GALNTL6: variants seen among roughly 807,000 people sequenced by gnomAD.
GALNTL6 encodes the protein polypeptide N-acetylgalactosaminyltransferase-like 6.
A neutral mutation model predicts 73.7 loss-of-function variants in GALNTL6; 46 were observed. The observed-to-expected ratio is 0.62, with a 90% confidence interval of 0.49 to 0.80. GALNTL6 has a LOEUF of 0.80. Ranked by LOEUF, GALNTL6 falls within the 30% of genes least tolerant of loss-of-function variation. The pLI is 0.00. For synonymous variants in GALNTL6, 259 were observed against 263.7 expected (o/e 0.98, Z 0.17); for missense variants, 604 against 755.0 (o/e 0.80, Z 2.34).
At chr4:172,757,727 T>G (rs189659330) in intron 5 of GALNTL6, among the ~76,000 whole-genome samples, 99 of 152,356 alleles carry the variant, frequency 6.5e-4, no homozygotes, top group African/African-American at 2.3e-3. Context: ...TAAATATTAA[T>G]TCTGGTGATC....
intron 5 of GALNTL6, among the ~76,000 whole-genome samples, chr4:172,485,225 T>C (rs1733626002): frequency 6.6e-6 from 1 of 152,082 alleles, no homozygotes; most frequent in African/African-American, 2.4e-5. Flanking sequence ...TAACCTATAT[T>C]TCATCCTTAC....
intron 5 of GALNTL6, among the ~76,000 whole-genome samples, chr4:172,420,861 T>G: frequency 6.6e-6 from 1 of 152,024 alleles, no homozygotes; most frequent in Middle Eastern, 3.2e-3. Flanking sequence ...CATGTCCTTT[T>G]CAGGGACATG....
At chr4:173,022,676 A>G (rs2126519328) in intron 12 of GALNTL6, among the ~76,000 whole-genome samples, 1 of 152,346 alleles carries the variant, frequency 6.6e-6, no homozygotes, top group African/African-American at 2.4e-5. Flanking sequence ...ATTTTCACCA[A>G]AATCCTGCCC....
intron 5 of GALNTL6, among the ~76,000 whole-genome samples, chr4:172,645,532 T>G (rs574413102): frequency 6.6e-6 from 1 of 151,894 alleles, no homozygotes; most frequent in African/African-American, 2.4e-5. Context: ...CCCCAATCAG[T>G]TCCAGTGGTA....
At chr4:172,197,746 T>C (rs539311907) in intron 2 of GALNTL6, among the ~76,000 whole-genome samples, 10 of 152,170 alleles carry the variant, frequency 6.6e-5, no homozygotes, top group African/African-American at 2.4e-4. Context: ...ATGTAGAAAA[T>C]TGAAACTGAA....
At chr4:172,314,671 G>A (rs1191440751) in intron 4 of GALNTL6, among the ~76,000 whole-genome samples, 1 of 134,514 alleles carries the variant, frequency 7.4e-6, no homozygotes, top group African/African-American at 2.8e-5. Flanking sequence ...GCAATGATGC[G>A]ATCTTGGCTC....
intron 3 of GALNTL6, among the ~76,000 whole-genome samples, chr4:172,293,743 T>A (rs974276665): frequency 6.6e-6 from 1 of 151,522 alleles, no homozygotes; most frequent in Non-Finnish European, 1.5e-5. Context: ...ATAAATATAT[T>A]ACTATACAAA....
rs960118383 is a variant in GALNTL6 at position 173,036,002 on chromosome 4, ATATC to A, written c.1639-3927_1639-3924del. On this transcript the variant is annotated intron_variant, in intron 12 of 12. Transcript: ENST00000506823. ...GGCAGGACACTATGCCAGTGATTTT[ATATC>A]TATTAACTCTTTTTATCCTCAAAAT... Among the ~76,000 whole-genome samples, 19 of 152,250 alleles carry A rather than the reference ATATC, an allele frequency of 1.2e-4. No individual in the cohort carries two copies. In the East Asian group the frequency reaches 3.5e-3, roughly 28 times the overall value.
intron 5 of GALNTL6, among the ~76,000 whole-genome samples, chr4:172,585,115 A>T (rs930056480): frequency 6.6e-6 from 1 of 152,224 alleles, no homozygotes; most frequent in Non-Finnish European, 1.5e-5. Context: ...ACTAGAAAAA[A>T]AAAACAGTCT....
intron 5 of GALNTL6, among the ~76,000 whole-genome samples, chr4:172,806,927 A>C (rs1213436912): frequency 6.6e-6 from 1 of 152,200 alleles, no homozygotes. Context: ...GAGATTATAC[A>C]ATTTTCTTAA....
chr4:172,139,453 CAGTT>C (rs1733747833), intron 2 of GALNTL6, among the ~76,000 whole-genome samples: 1 of 152,286 alleles, frequency 6.6e-6, no homozygotes, highest in South Asian at 2.1e-4. Flanking sequence ...AGGCTTAAGT[CAGTT>C]AGGGAGAGAA....
chr4:171,855,550 T>G (rs116744191), intron 2 of GALNTL6, among the ~76,000 whole-genome samples: 97 of 152,330 alleles, frequency 6.4e-4, no homozygotes, highest in East Asian at 2.3e-3. Flanking sequence ...AATTTCAGAT[T>G]TGGGAAATTA....
chr4:171,898,172 T>A (rs957142433), intron 2 of GALNTL6, among the ~76,000 whole-genome samples: 8 of 152,034 alleles, frequency 5.3e-5, no homozygotes, highest in Admixed American at 3.3e-4. Flanking sequence ...AAAGTTACAA[T>A]GACATACCCA....
chr4:172,559,668 T>A (rs970728337), intron 5 of GALNTL6, among the ~76,000 whole-genome samples: 1 of 152,232 alleles, frequency 6.6e-6, no homozygotes, highest in Non-Finnish European at 1.5e-5. Context: ...CTGAGTTTTC[T>A]AAGAAGTCTG....
In GALNTL6 at chr4:172,809,217, T is replaced by G; in HGVS notation, c.554-144T>G. On this transcript the variant is annotated intron_variant, in intron 5 of 12. Transcript: ENST00000506823. This position sits in a 1 kb window ranked among gnomAD's most constrained non-coding sequence, Gnocchi z 4.4. ...AAAGTGTAAAATCTAAAAATCTTACTAGTATCTCCCATCTAGATGAGGAGA... is the reference window on the plus strand; with the variant it reads ...AAAGTGTAAAATCTAAAAATCTTACGAGTATCTCCCATCTAGATGAGGAGA... 1.6e-6 allele frequency: 1 copy of G among 638,868 alleles called. No individual in the cohort carries two copies. The highest frequency in any genetic ancestry group is 2.7e-6 in the Non-Finnish European group (1 of 367,090). 39.6% of individuals were successfully genotyped at this position (638,868 alleles called of 1,614,324 possible).
At chr4:172,324,747 T>C (rs1446346938) in intron 4 of GALNTL6, among the ~76,000 whole-genome samples, 1 of 150,978 alleles carries the variant, frequency 6.6e-6, no homozygotes, top group African/African-American at 2.4e-5. Context: ...TGACCAAACT[T>C]CTATTAAATT....
At chr4:172,593,300 A>G (rs1737724829) in intron 5 of GALNTL6, among the ~76,000 whole-genome samples, 1 of 152,212 alleles carries the variant, frequency 6.6e-6, no homozygotes, top group Admixed American at 6.5e-5. Flanking sequence ...TCCATCATGA[A>G]CACAGCCTGT....
Position 173,008,409 on chromosome 4 carries a change from A to G in GALNTL6, c.1372-769A>G, listed in dbSNP as rs1752390431. Among the ~76,000 whole-genome samples the G allele has an allele frequency of 2.0e-5, 3 of 152,376 alleles. No homozygotes were observed. The South Asian group carries it at 6.2e-4, about 32-fold the overall frequency. On this transcript the variant is annotated intron_variant, in intron 10 of 12. Transcript: ENST00000506823. ...CATTATCAACACATTCTTTGCCCCA[A>G]CCAGCTGCAGTTTGGCTGTTTAACC...
chr4:172,605,819 A>C (rs140553601), intron 5 of GALNTL6, among the ~76,000 whole-genome samples: 2 of 152,200 alleles, frequency 1.3e-5, no homozygotes, highest in African/African-American at 4.8e-5. Flanking sequence ...TTAATACGTG[A>C]AGCAAATGAG....
Sources: allele counts gnomAD v4.1 joint callset (sites outside exome capture counted in the v4.1 genomes callset), GRCh38; gene constraint gnomAD v4.1.1; non-coding constraint Gnocchi (gnomAD v3.1); transcripts MANE v1.5; gene names NCBI Gene and HGNC (gene_info 2026-07-23, HGNC 2026-07-21).